The following SHTN1 variants were observed in gnomAD, a reference collection of about 807,000 sequenced individuals.
SHTN1 encodes shootin-1.
Under a neutral mutation model 83.1 loss-of-function variants are expected in SHTN1, and 42 were observed. The observed-to-expected ratio is 0.51, with a 90% CI of 0.39 to 0.65. The LOEUF (loss-of-function observed/expected upper bound fraction) is 0.65. Among genes scored for constraint, SHTN1 ranks in the 30% least tolerant of loss-of-function variants. The pLI, the probability that SHTN1 is intolerant of heterozygous loss-of-function variation, is 0.00. For synonymous variants in SHTN1, 224 were observed against 247.7 expected (o/e 0.90, Z 0.90); for missense variants, 622 against 737.8 (o/e 0.84, Z 1.82).
At chr10:116,909,356 C>A (rs1848099984) in intron 14 of SHTN1, among the ~76,000 whole-genome samples, 1 of 152,164 alleles carries the variant, frequency 6.6e-6, no homozygotes, top group South Asian at 2.1e-4. Context: ...TTTTGGAAAA[C>A]TGAAGATGTC....
In SHTN1 at chr10:116,930,015, T is replaced by TAA. The variant is rs576892154; in HGVS notation, c.859-15_859-14dup. Reference sequence around the variant, plus strand: ...CTAATTCTTTGACCTATAAGTTATTTAAAAAAAAAAGACTTTTATGGCTGA... The same window carrying TAA: ...CTAATTCTTTGACCTATAAGTTATTTAAAAAAAAAAAAGACTTTTATGGCTGA... On this transcript the variant is annotated splice_polypyrimidine_tract_variant and intron_variant, in intron 9 of 16. Transcript: ENST00000355371. The TAA allele has an allele frequency of 8.9e-4, 1,229 of 1,380,542 alleles. 6 individuals are homozygous for TAA. The South Asian group carries it at 0.017, about 19-fold the overall frequency. The allele number at this position is 1,380,542 out of a possible 1,614,324, so 85.5% of individuals were successfully genotyped here. A position where few individuals can be genotyped will look rare whatever the true frequency, so the allele number is the denominator to read the frequency against.
intron 1 of SHTN1, among the ~76,000 whole-genome samples, chr10:117,004,701 G>A (rs544742711): frequency 5.3e-5 from 8 of 152,234 alleles, no homozygotes; most frequent in Middle Eastern, 6.8e-3. Context: ...GGCAAGGAAG[G>A]TGGCACTGTG....
intron 1 of SHTN1, among the ~76,000 whole-genome samples, chr10:117,105,635 AT>A (rs1351957494): frequency 6.6e-6 from 1 of 152,156 alleles, no homozygotes; most frequent in Non-Finnish European, 1.5e-5. Context: ...ATGACAGTAT[AT>A]TTTCTAAACA....
In SHTN1 at chr10:116,950,898, T is replaced by C. The variant is rs190280736; in HGVS notation, c.534+1011A>G. On this transcript the variant is annotated intron_variant, in intron 6 of 16. Transcript: ENST00000355371. ...CTCCAAGAAAATGACAATATGTGTG[T>C]GCAAACTGAGGTAACTGGATGAGGC... 2.4e-4 allele frequency among the ~76,000 whole-genome samples: 36 copies of C among 152,318 alleles called. No individual in the cohort carries two copies. In the East Asian group the frequency reaches 6.8e-3, roughly 29 times the overall value.
intron 1 of SHTN1, among the ~76,000 whole-genome samples, chr10:117,116,208 T>A (rs1254023597): frequency 2.7e-5 from 4 of 149,688 alleles, no homozygotes; most frequent in African/African-American, 7.4e-5. Flanking sequence ...CCCAAATAAA[T>A]AAAATCAGAA....
intron 1 of SHTN1, among the ~76,000 whole-genome samples, chr10:117,112,485 C>T (rs920494880): frequency 6.6e-6 from 1 of 152,180 alleles, no homozygotes; most frequent in Non-Finnish European, 1.5e-5. Flanking sequence ...TAAGACCTTA[C>T]AACGCTTTAA....
At chr10:116,921,320 T>C (rs1401259996) in intron 12 of SHTN1, 114 bp downstream of exon 12, 8 of 687,318 alleles carry the variant, frequency 1.2e-5, no homozygotes, top group African/African-American at 1.8e-5. Context: ...AGCTGTTCAG[T>C]GCTTCATACT....
chr10:117,011,053 G>A (rs531093533), intron 2 of SHTN1, among the ~76,000 whole-genome samples: 9 of 152,254 alleles, frequency 5.9e-5, no homozygotes, highest in East Asian at 5.8e-4. Context: ...ATTCAACAGT[G>A]TGCTGCAAGT....
At chr10:116,970,774 AAAT>A (rs1480094322) in intron 2 of SHTN1, among the ~76,000 whole-genome samples, 1 of 151,890 alleles carries the variant, frequency 6.6e-6, no homozygotes, top group African/African-American at 2.4e-5. Flanking sequence ...CAGATATATC[AAAT>A]AATATCTTAC....
rs569787996 is a variant in SHTN1, at chr10:117,081,043, T to C, written c.-188-32533A>G. On this transcript the variant is annotated intron_variant, in intron 1 of 17. Coordinates refer to the SHTN1 transcript ENST00000392901. ...CCCGTTATTTCCTTCTCCCACCTAA[T>C]TGCCCTGGCCAGAACTTCCAACACT... 5.6e-4 allele frequency among the ~76,000 whole-genome samples: 86 copies of C among 152,242 alleles called. 1 individual carries two copies. The highest frequency in any genetic ancestry group is 2.0e-3 in the African/African-American group (81 of 41,532).
upstream of SHTN1, among the ~76,000 whole-genome samples, chr10:117,009,316 A>G (rs1852067225): frequency 6.6e-6 from 1 of 152,168 alleles, no homozygotes; most frequent in Non-Finnish European, 1.5e-5. Context: ...GTCATTTCTT[A>G]TTAACTGTAA....
At chr10:117,053,756 T>G in intron 1 of SHTN1, among the ~76,000 whole-genome samples, 1 of 152,178 alleles carries the variant, frequency 6.6e-6, no homozygotes, top group Admixed American at 6.6e-5. Context: ...CACTCCTAAG[T>G]GTATACCCAC....
chr10:117,006,861 T>A (rs2133552020), upstream of SHTN1, among the ~76,000 whole-genome samples: 1 of 151,980 alleles, frequency 6.6e-6, no homozygotes, highest in Admixed American at 6.6e-5. Context: ...TATGGGTAAA[T>A]CCTGTAACTA....
chr10:116,900,795 T>C lies in SHTN1; in HGVS notation c.1673+970A>G, dbSNP rs192995826. 4 of 985,368 alleles carry C rather than the reference T, an allele frequency of 4.1e-6. No homozygotes were observed. In the East Asian group the frequency reaches 4.5e-4, roughly 112 times the overall value. The allele number at this position is 985,368 out of a possible 1,614,324, so 61.0% of individuals were successfully genotyped here. On this transcript the variant is annotated intron_variant, in intron 16 of 16. Transcript: ENST00000355371. ...ACATGACTACAGGAGAAAATGTGCT[T>C]TTAAACACAGTGAAATTAGATAAAA...
chr10:117,112,692 C>G (rs147939456), intron 1 of SHTN1, among the ~76,000 whole-genome samples: 1 of 152,172 alleles, frequency 6.6e-6, no homozygotes, highest in Non-Finnish European at 1.5e-5. Flanking sequence ...CCAGCCTAGA[C>G]GTATTTCCAC....
intron 1 of SHTN1, among the ~76,000 whole-genome samples, chr10:117,073,568 A>T (rs1045284911): frequency 3.3e-5 from 5 of 152,222 alleles, no homozygotes; most frequent in African/African-American, 4.8e-5. Context: ...GGAGGATAAA[A>T]GCAGTGCCAC....
intron 2 of SHTN1, among the ~76,000 whole-genome samples, chr10:117,047,121 G>C (rs1852674732): frequency 6.6e-6 from 1 of 152,138 alleles, no homozygotes; most frequent in African/African-American, 2.4e-5. Context: ...CTGGAGTGCA[G>C]TGGCACGATC....
intron 16 of SHTN1, among the ~76,000 whole-genome samples, chr10:116,897,723 T>G (rs1847572603): frequency 6.6e-6 from 1 of 152,166 alleles, no homozygotes; most frequent in Non-Finnish European, 1.5e-5. Flanking sequence ...GGAAATTCAG[T>G]TATAGATTAC....
At chr10:116,924,746 ATTTTTTTTTTTTTTTTTT>A (rs201343735) in intron 11 of SHTN1, among the ~76,000 whole-genome samples, 1 of 89,526 alleles carries the variant, frequency 1.1e-5, no homozygotes, top group Non-Finnish European at 2.2e-5. Context: ...ATTTTCACCT[ATTTTTTTTTTTTTTTTTT>A]TTTTTTTTTT....
Sources: allele counts gnomAD v4.1 joint callset (sites outside exome capture counted in the v4.1 genomes callset), GRCh38; gene constraint gnomAD v4.1.1; transcripts MANE v1.5; gene names NCBI Gene and HGNC (gene_info 2026-07-23, HGNC 2026-07-21).